The following SPTA1 variants were observed in gnomAD, a reference collection of about 807,000 sequenced individuals.
SPTA1 encodes spectrin alpha chain, erythrocytic 1.
SPTA1 carries 177 observed loss-of-function variants against 324.7 expected under a neutral mutation model. That is an observed-to-expected ratio of 0.55 (90% confidence interval 0.48 to 0.62). The LOEUF is 0.62. Among genes scored for constraint, SPTA1 ranks in the 20% least tolerant of loss-of-function variants. The pLI is 0.00. For missense variants in SPTA1, 3,162 were observed against 2,883.6 expected, an observed-to-expected ratio of 1.10 and a Z score of -2.21; for synonymous variants, 1,195 against 1,041.3, an observed-to-expected ratio of 1.15 and a Z score of -2.84.
At chr1:158,627,527 T>C in intron 40 of SPTA1, 98 bp downstream of exon 40, 1 of 1,176,982 alleles carries the variant, frequency 8.5e-7, no homozygotes, top group Non-Finnish European at 1.3e-6. Context: ...GCATATGATC[T>C]TAGCACTGCT....
At chr1:158,664,505 A>G (rs1359479761) in intron 16 of SPTA1, among the ~76,000 whole-genome samples, 2 of 152,136 alleles carry the variant, frequency 1.3e-5, no homozygotes, top group Non-Finnish European at 2.9e-5. Flanking sequence ...AGGGAGGGGA[A>G]CATCACACAC....
chr1:158,649,545 C>T (rs925453014), intron 25 of SPTA1, among the ~76,000 whole-genome samples: 2 of 152,160 alleles, frequency 1.3e-5, no homozygotes, highest in South Asian at 2.1e-4. Context: ...CCTCGGCCAC[C>T]CAAAGTGCTG....
chr1:158,683,154 T>TTA (rs1654924904), intron 3 of SPTA1, among the ~76,000 whole-genome samples: 1 of 152,094 alleles, frequency 6.6e-6, no homozygotes, highest in South Asian at 2.1e-4. Context: ...AGGAGGAATT[T>TTA]TATGCCATTT....
chr1:158,627,941 T>C (rs1650387846), intron 39 of SPTA1, among the ~76,000 whole-genome samples: 1 of 152,098 alleles, frequency 6.6e-6, no homozygotes, highest in Non-Finnish European at 1.5e-5. Flanking sequence ...GTCAAAGATA[T>C]ACAAGTGACA....
chr1:158,668,289 A>C (rs1263641627), intron 14 of SPTA1, among the ~76,000 whole-genome samples: 2 of 152,168 alleles, frequency 1.3e-5, no homozygotes, highest in African/African-American at 2.4e-5. Context: ...TGCTGGACTT[A>C]GATATGGCTT....
chr1:158,661,015 C>T (rs1259150798), intron 18 of SPTA1, among the ~76,000 whole-genome samples: 2 of 152,134 alleles, frequency 1.3e-5, no homozygotes, highest in Non-Finnish European at 2.9e-5. Flanking sequence ...GGAACTTCTA[C>T]AGAGAAGCAT....
intron 16 of SPTA1, among the ~76,000 whole-genome samples, chr1:158,664,424 A>G (rs1007526744): frequency 2.0e-5 from 3 of 152,222 alleles, no homozygotes; most frequent in African/African-American, 7.2e-5. Context: ...AGACTAACAC[A>G]GGAATGAAAA....
chr1:158,683,538 T>A (rs1176825951), intron 2 of SPTA1, 42 bp from the exon 3 acceptor site: 2 of 1,610,596 alleles, frequency 1.2e-6, no homozygotes, highest in Non-Finnish European at 1.7e-6. Context: ...TGAAGCACAG[T>A]CTTCATGGGA....
intron 1 of SPTA1, 124 bp downstream of exon 1, chr1:158,686,370 A>G: frequency 1.3e-6 from 1 of 751,714 alleles, no homozygotes; most frequent in Non-Finnish European, 2.3e-6. Flanking sequence ...AAGTAAAATT[A>G]TCTATTTGTT....
chr1:158,648,787 T>C (rs948188012), intron 25 of SPTA1, 134 bp from the exon 26 acceptor site: 1 of 891,540 alleles, frequency 1.1e-6, no homozygotes, highest in African/African-American at 2.2e-5. Flanking sequence ...CCAATTATCA[T>C]CATTGTTTTT....
chr1:158,666,369 G>C lies in SPTA1; in HGVS notation c.2167C>G (p.Gln723Glu). The C allele has an allele frequency of 6.2e-7, 1 of 1,613,910 alleles. No individual in the cohort carries two copies. The highest frequency in any genetic ancestry group is 8.5e-7 in the Non-Finnish European group (1 of 1,179,976). The change falls in exon 16 of 52, where the codon CAG becomes GAG. Residue 723 changes from glutamine (Q) to glutamate (E), a missense_variant. Physicochemically the swap from Gln to Glu is conservative, Grantham distance 29. Coordinates refer to ENST00000643759, the MANE Select transcript of SPTA1 (RefSeq NM_003126.4). The part of the protein sequence containing the change: ...EDYGKGLAEV[Q>E]NRLRKHGLLE... ...AGGCCGTGTTTCCTGAGTCGATTCT[G>C]TACCTCGGCCAGGCCTTTCCCATAA...
Position 158,680,570 on chromosome 1 carries a change from G to A in SPTA1, c.678+13C>T, listed in dbSNP as rs745769939. The stretch of plus-strand genomic sequence containing the variant: ...ACCCTTTGCACGGAGTGAATATTTT[G>A]CTCCCACCTCACCTCGGCACACTCA... On this transcript the variant is annotated intron_variant, in intron 5 of 51. Coordinates refer to ENST00000643759, the MANE Select transcript of SPTA1 (RefSeq NM_003126.4). 55 of 1,613,384 alleles carry A rather than the reference G, an allele frequency of 3.4e-5. No homozygotes were observed. The highest frequency in any genetic ancestry group is 4.6e-5 in the Non-Finnish European group (54 of 1,179,768).
intron 36 of SPTA1, among the ~76,000 whole-genome samples, chr1:158,637,396 C>G (rs543131983): frequency 6.6e-6 from 1 of 152,244 alleles, no homozygotes; most frequent in East Asian, 1.9e-4. Flanking sequence ...AGAAGAGAAG[C>G]GTGATGAGGC....
At chr1:158,649,806 T>C in intron 25 of SPTA1, 50 bp downstream of exon 25, 1 of 1,425,244 alleles carries the variant, frequency 7.0e-7, no homozygotes, top group South Asian at 1.2e-5. Context: ...CTTAGAAGTT[T>C]AGTGAGTGGG....
intron 16 of SPTA1, 46 bp from the exon 17 acceptor site, chr1:158,662,991 A>C (rs781225716): frequency 1.1e-5 from 18 of 1,611,404 alleles, no homozygotes; most frequent in Non-Finnish European, 1.5e-5. Flanking sequence ...ATCATTTAGT[A>C]GGAAGTAATA....
At chr1:158,644,911 A>T (rs1651878420) in intron 29 of SPTA1, among the ~76,000 whole-genome samples, 1 of 152,232 alleles carries the variant, frequency 6.6e-6, no homozygotes, top group Admixed American at 6.5e-5. Context: ...AACAAAAATC[A>T]GCCAATCAAT....
At chr1:158,625,055 CT>C (rs1163013186) in intron 42 of SPTA1, among the ~76,000 whole-genome samples, 3 of 152,122 alleles carry the variant, frequency 2.0e-5, no homozygotes, top group African/African-American at 4.8e-5. Flanking sequence ...AATTATAATA[CT>C]TTAAATGTAA....
intron 39 of SPTA1, among the ~76,000 whole-genome samples, chr1:158,631,700 C>A (rs1379636213): frequency 6.6e-6 from 1 of 152,104 alleles, no homozygotes; most frequent in Admixed American, 6.5e-5. Flanking sequence ...TGAAAAGATG[C>A]TTCACATTAT....
chr1:158,626,184 C>T lies in SPTA1; in HGVS notation c.5872G>A (p.Ala1958Thr). 6.2e-7 allele frequency: 1 copy of T among 1,613,722 alleles called. No homozygotes were observed. Among genetic ancestry groups the T allele is most frequent in the Non-Finnish European group, 8.5e-7 (1 of 1,179,688 alleles). ...AGAGTGAGGAAGTCACCAAGGTCTG[C>T]ACCATTGCCATTGGTCTTTAGGCTT... ...ETSLKTNGNG[A>T]DLGDFLTLLA... The change falls in exon 42 of 52, where the codon GCA becomes ACA. Residue 1958 changes from alanine (A) to threonine (T), a missense_variant. Ala to Thr is a moderately conservative substitution (Grantham distance 58). Transcript: ENST00000643759.
Sources: allele counts gnomAD v4.1 joint callset (sites outside exome capture counted in the v4.1 genomes callset), GRCh38; gene constraint gnomAD v4.1.1; transcripts MANE v1.5; gene names NCBI Gene and HGNC (gene_info 2026-07-23, HGNC 2026-07-21).